MAPK10: variants seen among roughly 807,000 people sequenced by gnomAD.
MAPK10 encodes JNK3 alpha protein kinase.
In MAPK10, 25 loss-of-function variants were observed where a neutral mutation model predicts 59.3. The observed-to-expected ratio is 0.42, with a 90% CI of 0.31 to 0.59. The LOEUF is 0.59. Ranked by LOEUF, MAPK10 falls within the 20% of genes least tolerant of loss-of-function variation. MAPK10 has a pLI of 0.15. For synonymous variants in MAPK10, 190 were observed against 200.5 expected, an observed-to-expected ratio of 0.95 and a Z score of 0.44; for missense variants, 351 against 568.9, an observed-to-expected ratio of 0.62 and a Z score of 3.90.
chr4:86,320,455 A>G (rs1316500742), intron 2 of MAPK10, among the ~76,000 whole-genome samples: 1 of 152,234 alleles, frequency 6.6e-6, no homozygotes, highest in African/African-American at 2.4e-5. Flanking sequence ...CAAATAGAAT[A>G]TCTACACTTT....
At chr4:86,153,891 G>A (rs556215466) in intron 4 of MAPK10, among the ~76,000 whole-genome samples, 1 of 152,242 alleles carries the variant, frequency 6.6e-6, no homozygotes, top group South Asian at 2.1e-4. Context: ...TTATTTCAAG[G>A]AGGTTGCGAT....
intron 13 of MAPK10, chr4:86,027,992 A>T (rs535980708): frequency 1.3e-5 from 2 of 152,228 alleles, no homozygotes; most frequent in African/African-American, 4.8e-5. Flanking sequence ...CTAACATGCT[A>T]GGTTACCCGT....
intron 2 of MAPK10, among the ~76,000 whole-genome samples, chr4:86,200,583 T>C (rs571908556): frequency 2.7e-4 from 41 of 152,102 alleles, no homozygotes; most frequent in African/African-American, 9.1e-4. Flanking sequence ...ATTTTTTAGA[T>C]ATTATAATAA....
At position 86,103,868 on chromosome 4, in the gene MAPK10, T is replaced by TA. The variant is rs1233301986; in HGVS notation, c.367-625dup. Among the ~76,000 whole-genome samples, 19 of 152,110 alleles carry TA rather than the reference T, an allele frequency of 1.2e-4. No individual in the cohort carries two copies. In the East Asian group the frequency reaches 3.5e-3, roughly 28 times the overall value. On this transcript the variant is annotated intron_variant, in intron 5 of 13. Transcript: ENST00000641462. ...CTGCTTTATTTTATATATCAGCTAG[T>TA]AAAAAAATCTACCTTCTAGTATAAG...
At chr4:86,397,854 T>C (rs1743143313) in intron 1 of MAPK10, among the ~76,000 whole-genome samples, 1 of 131,228 alleles carries the variant, frequency 7.6e-6, no homozygotes, top group Non-Finnish European at 1.6e-5. Flanking sequence ...AAGCTCTGAA[T>C]CTGCTATGGC....
intron 2 of MAPK10, among the ~76,000 whole-genome samples, chr4:86,345,790 T>A (rs1564587083): frequency 6.6e-6 from 1 of 152,208 alleles, no homozygotes; most frequent in Non-Finnish European, 1.5e-5. Context: ...TAAAAACTTT[T>A]CCTATATATT....
At chr4:86,037,455 G>A (rs578054841) in intron 11 of MAPK10, among the ~76,000 whole-genome samples, 31 of 152,102 alleles carry the variant, frequency 2.0e-4, no homozygotes, top group Non-Finnish European at 3.2e-4. Flanking sequence ...GGGAGGTGGA[G>A]CTTGCAGTGA....
chr4:86,359,326 G>GTA lies in MAPK10; in HGVS notation c.-122+331_-122+332insTA, dbSNP rs1215182401. On this transcript the variant is annotated intron_variant, in intron 1 of 13. Transcript: ENST00000641462. The stretch of plus-strand genomic sequence containing the variant: ...TGTGTGTGTGTGTGTGTGTGTGTGT[G>GTA]TGTGTTTCTCTCTCTCTCCCTTCCC... 2.5e-3 allele frequency among the ~76,000 whole-genome samples: 356 copies of GTA among 143,016 alleles called. 3 individuals carry two copies. The highest frequency in any genetic ancestry group is 8.8e-3 in the African/African-American group (338 of 38,400). The allele number at this position is 143,016 out of a possible 152,430, so 93.8% of individuals were successfully genotyped here.
intron 1 of MAPK10, among the ~76,000 whole-genome samples, chr4:86,512,209 T>A (rs920859029): frequency 3.3e-5 from 5 of 152,196 alleles, no homozygotes; most frequent in African/African-American, 1.2e-4. Flanking sequence ...GGTGGAAATA[T>A]TTACTTTTTC....
intron 4 of MAPK10, among the ~76,000 whole-genome samples, chr4:86,155,940 G>A (rs1322163820): frequency 6.6e-6 from 1 of 151,994 alleles, no homozygotes; most frequent in East Asian, 1.9e-4. Flanking sequence ...TGACCAACAG[G>A]TGTATCATAG....
chr4:86,512,850 A>T (rs1268487641), intron 1 of MAPK10, among the ~76,000 whole-genome samples: 1 of 152,198 alleles, frequency 6.6e-6, no homozygotes. Flanking sequence ...ATAGCCAGGG[A>T]CATTGAAACT....
chr4:86,583,895 T>G (rs1762480328), intron 1 of MAPK10, among the ~76,000 whole-genome samples: 2 of 152,202 alleles, frequency 1.3e-5, no homozygotes, highest in African/African-American at 2.4e-5. Flanking sequence ...TGTAATATCC[T>G]GATTATCAGA....
chr4:86,136,178 C>T (rs1219247157), intron 4 of MAPK10, among the ~76,000 whole-genome samples: 1 of 152,102 alleles, frequency 6.6e-6, no homozygotes, highest in East Asian at 1.9e-4. Context: ...TCAGGAAACA[C>T]AGAGAATGCC....
At chr4:86,339,628 C>T (rs1385628577) in intron 2 of MAPK10, among the ~76,000 whole-genome samples, 1 of 152,200 alleles carries the variant, frequency 6.6e-6, no homozygotes, top group Non-Finnish European at 1.5e-5. Flanking sequence ...TCACCATTCT[C>T]TCACTGTAGG....
At chr4:86,452,370 C>G (rs1410656786) in intron 1 of MAPK10, among the ~76,000 whole-genome samples, 33 of 152,182 alleles carry the variant, frequency 2.2e-4, no homozygotes, top group Admixed American at 2.2e-3. Flanking sequence ...TTCACTTTCA[C>G]TCTAAGCATG....
intron 2 of MAPK10, chr4:86,327,410 A>G (rs1315875988): frequency 3.3e-5 from 5 of 151,964 alleles, no homozygotes; most frequent in Non-Finnish European, 5.9e-5. Flanking sequence ...TCTCACTTTT[A>G]TCTCATTTTT....
At chr4:86,352,556 T>A (rs1018018555) in intron 2 of MAPK10, among the ~76,000 whole-genome samples, 1 of 152,046 alleles carries the variant, frequency 6.6e-6, no homozygotes, top group African/African-American at 2.4e-5. Context: ...AAAAGCAAGG[T>A]AATGTGCATG....
intron 9 of MAPK10, chr4:86,089,503 T>C (rs1329498672): frequency 7.0e-6 from 3 of 431,066 alleles, no homozygotes; most frequent in Non-Finnish European, 1.2e-5. Flanking sequence ...TACCCAATGC[T>C]ACCTAATGTA....
chr4:86,049,467 T>C (rs1445294570), intron 11 of MAPK10, among the ~76,000 whole-genome samples: 1 of 151,900 alleles, frequency 6.6e-6, no homozygotes. Context: ...CTCCAAGGAG[T>C]AATTTTAAAA....
Sources: allele counts gnomAD v4.1 joint callset (sites outside exome capture counted in the v4.1 genomes callset), GRCh38; gene constraint gnomAD v4.1.1; transcripts MANE v1.5; gene names NCBI Gene and HGNC (gene_info 2026-07-23, HGNC 2026-07-21).